SLC25A24: variants seen among roughly 807,000 people sequenced by gnomAD.
SLC25A24 encodes mitochondrial adenyl nucleotide antiporter SLC25A24.
In SLC25A24, 49 loss-of-function variants were observed where a neutral mutation model predicts 60.7. The observed-to-expected ratio is 0.81, with a 90% CI of 0.64 to 1.02. SLC25A24 has a LOEUF of 1.02. Among genes scored for constraint, SLC25A24 ranks in the 50% least tolerant of loss-of-function variants. The probability of loss-of-function intolerance (pLI) is 0.00; values close to 1 mark genes in which losing one functional copy is unlikely to be tolerated. For missense variants in SLC25A24, 564 were observed against 586.3 expected, an observed-to-expected ratio of 0.96 and a Z score of 0.39; for synonymous variants, 202 against 200.6, an observed-to-expected ratio of 1.01 and a Z score of -0.06.
rs184927502 is a variant in SLC25A24 at position 108,176,901 on chromosome 1, C to T, written c.398+5040G>A. On this transcript the variant is annotated intron_variant, in intron 3 of 9. Transcript: ENST00000565488. ...CTCCTCAAGCTGAAAGAAAAAGATG[C>T]TAATGAGTAACACAAAAACATCTGA... 5.3e-3 allele frequency among the ~76,000 whole-genome samples: 812 copies of T among 152,064 alleles called. 6 individuals carry two copies. Among genetic ancestry groups the T allele is most frequent in the African/African-American group, 0.019 (794 of 41,466 alleles).
At chr1:108,193,662 A>G (rs2101648259) in intron 1 of SLC25A24, among the ~76,000 whole-genome samples, 1 of 139,942 alleles carries the variant, frequency 7.1e-6, no homozygotes, top group Middle Eastern at 3.5e-3. Flanking sequence ...AAAGACTAGG[A>G]ATTGAATGAA....
intron 7 of SLC25A24, among the ~76,000 whole-genome samples, chr1:108,144,631 C>CCAT (rs902206507): frequency 2.0e-5 from 3 of 152,076 alleles, no homozygotes; most frequent in African/African-American, 7.2e-5. Flanking sequence ...CTCCCTGTGT[C>CCAT]CATGTATTCT....
At chr1:108,190,950 C>T (rs1294993943) in intron 1 of SLC25A24, among the ~76,000 whole-genome samples, 1 of 138,724 alleles carries the variant, frequency 7.2e-6, no homozygotes, top group Admixed American at 8.2e-5. Context: ...AGCGTCCTTG[C>T]CAAAAATGCA....
intron 8 of SLC25A24, among the ~76,000 whole-genome samples, chr1:108,142,706 A>G (rs1276823816): frequency 5.3e-5 from 8 of 152,214 alleles, no homozygotes; most frequent in Admixed American, 4.6e-4. Flanking sequence ...TGGTTGCACA[A>G]TATTGTGAAT....
At chr1:108,185,691 A>T (rs930618585) in intron 2 of SLC25A24, 137 bp downstream of exon 2, 3 of 642,724 alleles carry the variant, frequency 4.7e-6, no homozygotes, top group Non-Finnish European at 7.6e-6. Context: ...TAAAAATCAC[A>T]TTACTAAAAA....
intron 3 of SLC25A24, among the ~76,000 whole-genome samples, chr1:108,162,780 C>A (rs1289104383): frequency 6.6e-6 from 1 of 151,676 alleles, no homozygotes. Flanking sequence ...TTTTGCTGTG[C>A]AGAAGCTCTT....
At position 108,193,179 on chromosome 1, in the gene SLC25A24, T is replaced by A. The variant is rs553821131; in HGVS notation, c.183+6777A>T. Among the ~76,000 whole-genome samples the A allele has an allele frequency of 3.6e-5, 5 of 139,684 alleles. 1 individual carries two copies. The South Asian group carries it at 8.2e-4, about 23-fold the overall frequency. 91.6% of individuals were successfully genotyped at this position (139,684 alleles called of 152,430 possible). A position where few individuals can be genotyped will look rare whatever the true frequency, so the allele number is the denominator to read the frequency against. On this transcript the variant is annotated intron_variant, in intron 1 of 9. Coordinates refer to ENST00000565488, the MANE Select transcript of SLC25A24 (RefSeq NM_013386.5). ...TTTAAAAATCCTTATAATGATTTTT[T>A]AAAATAAAATAATTTTATTGTAGAT...
At chr1:108,153,397 G>A (rs1483106963) in intron 6 of SLC25A24, among the ~76,000 whole-genome samples, 1 of 152,156 alleles carries the variant, frequency 6.6e-6, no homozygotes, top group Non-Finnish European at 1.5e-5. Context: ...AATATATACA[G>A]CCTATTTACC....
At position 108,155,155 on chromosome 1, in the gene SLC25A24, G is replaced by T. The variant is rs752609677; in HGVS notation, c.670-20C>A. The T allele has an allele frequency of 5.0e-6, 8 of 1,598,196 alleles. No homozygotes were observed. The Admixed American group carries it at 8.7e-5, about 17-fold the overall frequency. ...GTGAACCTAAAAATAAAAGCAGAAT[G>T]ATATAAAATGCTGGTGGCATATTAC... On this transcript the variant is annotated intron_variant, in intron 5 of 9. Coordinates refer to ENST00000565488, the MANE Select transcript of SLC25A24 (RefSeq NM_013386.5).
intron 3 of SLC25A24, among the ~76,000 whole-genome samples, chr1:108,172,728 T>C (rs931119990): frequency 6.6e-6 from 1 of 152,174 alleles, no homozygotes; most frequent in Non-Finnish European, 1.5e-5. Flanking sequence ...GAATTCAAGT[T>C]TGGGACACAA....
intron 1 of SLC25A24, among the ~76,000 whole-genome samples, chr1:108,188,580 A>C (rs1648230080): frequency 6.6e-6 from 1 of 152,214 alleles, no homozygotes; most frequent in Admixed American, 6.5e-5. Context: ...AATATCAGCG[A>C]ACAAGAATAG....
intron 3 of SLC25A24, among the ~76,000 whole-genome samples, chr1:108,171,077 T>C (rs1647444155): frequency 6.6e-6 from 1 of 152,164 alleles, no homozygotes; most frequent in Non-Finnish European, 1.5e-5. Context: ...ATCTCATTCT[T>C]TCTATGTTTT....
At chr1:108,160,503 C>T (rs1048899352) in intron 4 of SLC25A24, among the ~76,000 whole-genome samples, 5 of 149,536 alleles carry the variant, frequency 3.3e-5, no homozygotes, top group South Asian at 2.1e-4. Context: ...ATATCCCAGA[C>T]GATGGGCGGC....
intron 3 of SLC25A24, among the ~76,000 whole-genome samples, chr1:108,169,161 A>G (rs1647355050): frequency 6.6e-6 from 1 of 152,032 alleles, no homozygotes; most frequent in Admixed American, 6.5e-5. Flanking sequence ...ATTATGTTTC[A>G]CTTGTTAACT....
chr1:108,136,893 CAACA>C, intron 9 of SLC25A24, 56 bp from the exon 10 acceptor site: 1 of 1,472,826 alleles, frequency 6.8e-7, no homozygotes, highest in Non-Finnish European at 9.4e-7. Flanking sequence ...ATTATTATGA[CAACA>C]AACAATTATG....
chr1:108,184,538 A>G lies in SLC25A24; in HGVS notation c.310+1290T>C, dbSNP rs116787734. On this transcript the variant is annotated intron_variant, in intron 2 of 9. Coordinates refer to ENST00000565488, the MANE Select transcript of SLC25A24 (RefSeq NM_013386.5). ...TAATCTTCAAAATCATCTAGAGTTTAGTTTGTTTGTTTGAAGGAACTTGCT... is the reference window on the plus strand; with the variant it reads ...TAATCTTCAAAATCATCTAGAGTTTGGTTTGTTTGTTTGAAGGAACTTGCT... Among the ~76,000 whole-genome samples, 826 of 152,342 alleles carry G rather than the reference A, an allele frequency of 5.4e-3. 7 individuals carry two copies. The highest frequency in any genetic ancestry group is 0.019 in the African/African-American group (785 of 41,580).
chr1:108,182,287 A>G (rs555920109), intron 2 of SLC25A24, among the ~76,000 whole-genome samples: 221 of 152,336 alleles, frequency 1.5e-3, no homozygotes, highest in African/African-American at 5.1e-3. Flanking sequence ...TATTCCTCCA[A>G]AGAGACTGAC....
At chr1:108,192,324 T>C (rs1648368784) in intron 1 of SLC25A24, among the ~76,000 whole-genome samples, 1 of 139,070 alleles carries the variant, frequency 7.2e-6, no homozygotes, top group Non-Finnish European at 1.6e-5. Flanking sequence ...ACTTGAGAAA[T>C]GTGTTAGCTG....
At chr1:108,174,221 C>T (rs556683023) in intron 3 of SLC25A24, among the ~76,000 whole-genome samples, 3 of 152,258 alleles carry the variant, frequency 2.0e-5, no homozygotes, top group African/African-American at 7.2e-5. Flanking sequence ...AAATGGTTTC[C>T]TGGGCCAGGC....
Sources: allele counts gnomAD v4.1 joint callset (sites outside exome capture counted in the v4.1 genomes callset), GRCh38; gene constraint gnomAD v4.1.1; transcripts MANE v1.5; gene names NCBI Gene and HGNC (gene_info 2026-07-23, HGNC 2026-07-21).